DMD: variants seen among roughly 807,000 people sequenced by gnomAD.
The protein encoded by DMD is dystrophin, also known as mutant dystrophin.
Under a neutral mutation model 330.1 loss-of-function variants are expected in DMD, and 63 were observed. The observed-to-expected ratio is 0.19, with a 90% CI of 0.16 to 0.24. The LOEUF is 0.24. Ranked by LOEUF, DMD falls within the 10% of genes least tolerant of loss-of-function variation. The probability of loss-of-function intolerance (pLI) is 1.00; values close to 1 mark genes in which losing one functional copy is unlikely to be tolerated. For synonymous variants in DMD, 1,223 were observed against 959.8 expected (o/e 1.27, Z -5.07); for missense variants, 3,344 against 2,684.1 (o/e 1.25, Z -5.43).
At chrX:32,461,288 T>C (rs2098382499) in intron 25 of DMD, among the ~76,000 whole-genome samples, 1 of 111,633 alleles carries the variant, frequency 9.0e-6, no homozygotes, top group African/African-American at 3.2e-5. Context: ...AATATTCACA[T>C]ATGGCTTCCT....
At chrX:32,406,516 G>A (rs1188690943) in intron 30 of DMD, among the ~76,000 whole-genome samples, 2 of 110,260 alleles carry the variant, frequency 1.8e-5, no homozygotes, top group African/African-American at 6.7e-5. Context: ...ATAATCATGT[G>A]GTATTTGTGA....
At chrX:32,400,634 C>T (rs1180406416) in intron 30 of DMD, among the ~76,000 whole-genome samples, 4 of 110,159 alleles carry the variant, frequency 3.6e-5, no homozygotes, top group Non-Finnish European at 7.6e-5. Flanking sequence ...CAATGAGATA[C>T]CATCTCACAC....
At chrX:33,332,701 G>A (rs1257657331) in intron 1 of DMD, among the ~76,000 whole-genome samples, 1 of 111,554 alleles carries the variant, frequency 9.0e-6, no homozygotes, top group Admixed American at 9.6e-5. Flanking sequence ...TAAGCTGAAA[G>A]TAAGATGAAG....
chrX:32,310,150 G>T lies in DMD; in HGVS notation c.6049C>A (p.Leu2017Ile), dbSNP rs201532491. ...VSQALLEVEQ[L>I]LNAPDLCAKD... is the part of the protein sequence containing the mutation. ...GCACAGAGGTCAGGAGCATTGAGAA[G>T]TTGTTCCACTTCTAATAGGGCTTGT... The change falls in exon 42 of 79, where the codon CTT becomes ATT. Residue 2017 changes from leucine to isoleucine, a missense_variant. By Grantham distance (5) the Leu-to-Ile change is conservative. Coordinates refer to ENST00000357033, the MANE Select transcript of DMD (RefSeq NM_004006.3). 7.5e-6 allele frequency: 9 copies of T among 1,207,812 alleles called. No homozygotes were observed. The Admixed American group carries it at 8.8e-5, about 12-fold the overall frequency.
rs755648542 is a variant in DMD at position 31,936,183 on chromosome X, T to C, written c.6615-3956A>G. Among the ~76,000 whole-genome samples, 4 of 111,704 alleles carry C rather than the reference T, an allele frequency of 3.6e-5. No individual in the cohort carries two copies. The South Asian group carries it at 1.5e-3, about 41-fold the overall frequency. ...GAATTTTGTTTGCTTTCATTTTTTATTATAATGAATAACCCTACAATAAAC... is the reference window on the plus strand; with the variant it reads ...GAATTTTGTTTGCTTTCATTTTTTACTATAATGAATAACCCTACAATAAAC... On this transcript the variant is annotated intron_variant, in intron 45 of 78. Transcript: ENST00000357033.
At chrX:32,846,868 A>G (rs2080730235) in intron 3 of DMD, among the ~76,000 whole-genome samples, 1 of 109,989 alleles carries the variant, frequency 9.1e-6, no homozygotes, top group East Asian at 2.9e-4. Flanking sequence ...TTAGCCAGGC[A>G]TGATGGAACA....
intron 41 of DMD, among the ~76,000 whole-genome samples, chrX:32,337,997 C>A (rs12006930): frequency 0.027 from 2,982 of 111,404 alleles, 92 homozygotes; most frequent in African/African-American, 0.092. Context: ...AATCTATAGA[C>A]AAGAAATTCT....
At chrX:31,143,227 G>A (rs1298212464) in intron 76 of DMD, among the ~76,000 whole-genome samples, 1 of 111,292 alleles carries the variant, frequency 9.0e-6, no homozygotes, top group African/African-American at 3.3e-5. Context: ...TGCTGCGGGA[G>A]GGGTCCGGTG....
chrX:31,963,201 C>T (rs897680607), intron 45 of DMD, among the ~76,000 whole-genome samples: 3 of 111,885 alleles, frequency 2.7e-5, no homozygotes, highest in South Asian at 3.7e-4. Context: ...TAATCAACAG[C>T]GTGTATTTGC....
intron 1 of DMD, among the ~76,000 whole-genome samples, chrX:33,155,312 CCTTT>C (rs2048454759): frequency 2.8e-5 from 3 of 108,718 alleles, no homozygotes; most frequent in South Asian, 4.0e-4. Context: ...TGTTTATGAG[CCTTT>C]CTCTTTTTTT....
At chrX:31,870,098 A>G (rs66473861) in intron 48 of DMD, among the ~76,000 whole-genome samples, 10,669 of 111,405 alleles carry the variant, frequency 0.096, 422 homozygotes, top group Non-Finnish European at 0.11. Flanking sequence ...TAAGTTTTTC[A>G]ATGGGAAAAC....
At chrX:32,542,932 T>A (rs764196759) in intron 17 of DMD, among the ~76,000 whole-genome samples, 38 of 111,853 alleles carry the variant, frequency 3.4e-4, no homozygotes, top group Admixed American at 1.2e-3. Flanking sequence ...CTGGGATGGC[T>A]TCAGGTAAAT....
At chrX:32,701,858 C>T (rs765698203) in intron 7 of DMD, among the ~76,000 whole-genome samples, 1 of 111,609 alleles carries the variant, frequency 9.0e-6, no homozygotes. Context: ...ATTTCATTTA[C>T]ATAAAACATG....
At position 32,253,843 on chromosome X, in the gene DMD, C is replaced by T. The variant is rs562162133; in HGVS notation, c.6290+33686G>A. Among the ~76,000 whole-genome samples, 47 of 109,503 alleles carry T rather than the reference C, an allele frequency of 4.3e-4. 1 individual carries two copies. In the South Asian group the frequency reaches 0.016, roughly 38 times the overall value. ...TTCACCATATTGGCTAGGCTGTTTTCGAACTCCTGACCTCATAATCTGCCC... is the reference window on the plus strand; with the variant it reads ...TTCACCATATTGGCTAGGCTGTTTTTGAACTCCTGACCTCATAATCTGCCC... On this transcript the variant is annotated intron_variant, in intron 43 of 78. Coordinates refer to ENST00000357033, the MANE Select transcript of DMD (RefSeq NM_004006.3).
chrX:31,324,518 G>A (rs1239487090), intron 61 of DMD, among the ~76,000 whole-genome samples: 4 of 108,871 alleles, frequency 3.7e-5, no homozygotes, highest in Non-Finnish European at 5.7e-5. Context: ...TAATCTTGTT[G>A]AGGAGGCACT....
intron 56 of DMD, among the ~76,000 whole-genome samples, chrX:31,506,326 C>A (rs778057737): frequency 9.0e-6 from 1 of 111,698 alleles, no homozygotes; most frequent in East Asian, 2.8e-4. Context: ...TAACTACTCC[C>A]GTCATTTAGT....
intron 54 of DMD, among the ~76,000 whole-genome samples, chrX:31,634,600 G>A (rs998284631): frequency 1.8e-5 from 2 of 111,409 alleles, no homozygotes; most frequent in Admixed American, 1.9e-4. Flanking sequence ...TAGTAAGAGA[G>A]TATAGGCATT....
At chrX:31,423,393 A>C (rs2063543405) in intron 60 of DMD, among the ~76,000 whole-genome samples, 1 of 111,736 alleles carries the variant, frequency 8.9e-6, no homozygotes, top group Non-Finnish European at 1.9e-5. Context: ...CTGGAAAAAA[A>C]AATCCCTTAG....
intron 6 of DMD, among the ~76,000 whole-genome samples, chrX:32,813,033 G>A (rs1461399628): frequency 3.6e-5 from 4 of 110,617 alleles, no homozygotes; most frequent in South Asian, 7.7e-4. Flanking sequence ...TTATGCATTC[G>A]TGCTGTATTC....
Sources: gnomAD v4.1 joint callset for allele counts (sites outside exome capture counted in the v4.1 genomes callset) on GRCh38, gnomAD v4.1.1 for gene constraint, MANE v1.5 for transcripts, NCBI Gene and HGNC (gene_info 2026-07-23, HGNC 2026-07-21) for gene names.